Variants in DOK2 observed in about 807,000 individuals in gnomAD.
DOK2 encodes docking protein 2, 56kD.
A neutral mutation model predicts 26.0 loss-of-function variants in DOK2; 28 were observed. That is an observed-to-expected ratio of 1.08 (90% CI 0.80 to 1.48). The LOEUF (loss-of-function observed/expected upper bound fraction) is 1.48, where lower values mean the gene tolerates loss of function less well. DOK2 is among the 40% of genes most tolerant of loss of function. The pLI is 0.00. For missense variants in DOK2, 682 were observed against 558.2 expected (o/e 1.22, Z -2.23); for synonymous variants, 282 against 236.9 (o/e 1.19, Z -1.75).
In DOK2 at chr8:21,912,454, C is replaced by G; in HGVS notation, c.120G>C (p.Arg40=). Residue 40 remains arginine (R), a synonymous_variant, in exon 2 of 5, where the codon CGG becomes CGC. Transcript: ENST00000276420. The stretch of plus-strand genomic sequence containing the variant: ...TCTCCGGGCCCTCCTGCAGCTCCAG[C>G]CGGGCCAAGGCGCAGTCCGACCCTC... The part of the protein sequence containing the change: ...LYGGSDCALA[R]LELQEGPEKP... 1.3e-6 allele frequency: 2 copies of G among 1,565,582 alleles called. No individual in the cohort carries two copies. Among genetic ancestry groups the G allele is most frequent in the Non-Finnish European group, 1.7e-6 (2 of 1,157,300 alleles).
rs2242240 is a variant in DOK2, at chr8:21,909,764, C to G, written c.786G>C (p.Ala262=). Residue 262 remains alanine, a synonymous_variant, in exon 5 of 5, where the codon GCG becomes GCC. Transcript: ENST00000276420. ...AGGGGCTATCAGGCCGGGGCAGCGA[C>G]GCGGGGATTGTGGCTGGCTGCGGTT... The part of the protein sequence containing the change: ...TPQPQPATIP[A]SLPRPDSPYS... 266,642 of 1,613,734 alleles carry G rather than the reference C, an allele frequency of 0.17. 23,994 individuals carry two copies. Among genetic ancestry groups the G allele is most frequent in the East Asian group, 0.38 (17,057 of 44,842 alleles).
rs376285375 is a variant in DOK2, at chr8:21,909,768, G to A, written c.782C>T (p.Pro261Leu). 4.3e-6 allele frequency: 7 copies of A among 1,613,866 alleles called. No individual in the cohort carries two copies. Among genetic ancestry groups the A allele is most frequent in the Non-Finnish European group, 5.9e-6 (7 of 1,180,040 alleles). ...ATPQPQPATI[P>L]ASLPRPDSPY... ...GCTATCAGGCCGGGGCAGCGACGCG[G>A]GGATTGTGGCTGGCTGCGGTTGGGG... Residue 261 changes from proline (P) to leucine (L), a missense_variant, in exon 5 of 5, where the codon CCC becomes CTC. By Grantham distance (98) the Pro-to-Leu change is moderately conservative. Transcript: ENST00000276420.
intron 1 of DOK2, 114 bp downstream of exon 1, chr8:21,913,425 G>C: frequency 7.8e-7 from 1 of 1,277,400 alleles, no homozygotes; most frequent in Non-Finnish European, 1.1e-6. Context: ...GTCTAACTTG[G>C]TGGGTGCACA....
chr8:21,912,511 C>T lies in DOK2; in HGVS notation c.64-1G>A. 1.3e-6 allele frequency: 2 copies of T among 1,512,810 alleles called. No individual in the cohort carries two copies. The highest frequency in any genetic ancestry group is 1.8e-6 in the Non-Finnish European group (2 of 1,132,756). 93.7% of individuals were successfully genotyped at this position (1,512,810 alleles called of 1,614,324 possible). ...GTGAGGCGCCGAAGCGGCGCCATTT[C>T]TGTGCCAGAGGCGTGGGAGGCGGGG... On this transcript the variant is annotated splice_acceptor_variant, in intron 1 of 4. Transcript: ENST00000276420. LOFTEE classifies it high-confidence loss of function.
rs1563300847 is a variant in DOK2 at position 21,913,580 on chromosome 8, GT to G, written c.21del (p.Lys7AsnfsTer147). 4 of 1,613,914 alleles carry G rather than the reference GT, an allele frequency of 2.5e-6. No homozygotes were observed. The Admixed American group carries it at 6.7e-5, about 27-fold the overall frequency. On this transcript the variant is annotated frameshift_variant, in exon 1 of 5. Transcript: ENST00000276420. LOFTEE classifies it high-confidence loss of function. MGDGAV[K>X]QGFLYLQQQQ... ...TGCTGCTGAAGATACAAGAAGCCTT[GT>G]TTCACTGCCCCGTCTCCCATCCTCT...
In DOK2 at chr8:21,912,516, C is replaced by A; in HGVS notation, c.64-6G>T. On this transcript the variant is annotated splice_region_variant and splice_polypyrimidine_tract_variant and intron_variant, in intron 1 of 4. Transcript: ENST00000276420. ...GCGCCGAAGCGGCGCCATTTCTGTG[C>A]CAGAGGCGTGGGAGGCGGGGGCGGG... 6.6e-7 allele frequency: 1 copy of A among 1,504,808 alleles called. No homozygotes were observed. The highest frequency in any genetic ancestry group is 2.2e-5 in the Admixed American group (1 of 45,392). 93.2% of individuals were successfully genotyped at this position (1,504,808 alleles called of 1,614,324 possible). A position where few individuals can be genotyped will look rare whatever the true frequency, so the allele number is the denominator to read the frequency against.
Position 21,909,934 on chromosome 8 carries a change from G to T in DOK2, c.619-3C>A. 6.2e-7 allele frequency: 1 copy of T among 1,604,578 alleles called. No homozygotes were observed. The highest frequency in any genetic ancestry group is 8.5e-7 in the Non-Finnish European group (1 of 1,177,074). On this transcript the variant is annotated splice_polypyrimidine_tract_variant and splice_region_variant and intron_variant, in intron 4 of 4. Coordinates refer to ENST00000276420, the MANE Select transcript of DOK2 (RefSeq NM_003974.4). ...CCTGCCTCAAAGGAAAAGGTTACCT[G>T]GACCAGGGAGAAAGCAGGTTATTGG...
chr8:21,913,224 C>T (rs1382406930), intron 1 of DOK2, among the ~76,000 whole-genome samples: 1 of 152,184 alleles, frequency 6.6e-6, no homozygotes, highest in Non-Finnish European at 1.5e-5. Flanking sequence ...CATTCCCTTC[C>T]AAGGTGTCCG....
chr8:21,911,045 G>A (rs930854435), intron 3 of DOK2, 188 bp from the exon 4 acceptor site: 7 of 656,164 alleles, frequency 1.1e-5, no homozygotes, highest in Admixed American at 3.1e-5. Context: ...CAAAAGGCCA[G>A]GTACCTCCAC....
chr8:21,913,470 C>T (rs1238206011), intron 1 of DOK2, 69 bp downstream of exon 1: 3 of 1,590,404 alleles, frequency 1.9e-6, no homozygotes, highest in Non-Finnish European at 2.6e-6. Context: ...ATGAAACTCC[C>T]TCTCCAACCC....
chr8:21,910,622 T>C (rs1809801998), intron 4 of DOK2, 51 bp downstream of exon 4: 2 of 1,605,028 alleles, frequency 1.2e-6, no homozygotes. Context: ...CCCCTCTTTG[T>C]TCGTAGCTTA....
chr8:21,913,630 C>T lies in DOK2; in HGVS notation c.-29G>A. 12 of 1,613,414 alleles carry T rather than the reference C, an allele frequency of 7.4e-6. No individual in the cohort carries two copies. The highest frequency in any genetic ancestry group is 1.0e-5 in the Non-Finnish European group (12 of 1,179,660). On this transcript the variant is annotated 5_prime_UTR_variant, in exon 1 of 5. Transcript: ENST00000276420. Reference sequence around the variant, plus strand: ...CTGACCATCTCGGAGCCCCAGGCTTCAGCTCTCTCCTTCACTCCTGCCCTT... The same window carrying T: ...CTGACCATCTCGGAGCCCCAGGCTTTAGCTCTCTCCTTCACTCCTGCCCTT...
intron 1 of DOK2, 136 bp downstream of exon 1, chr8:21,913,403 G>T: frequency 9.6e-7 from 1 of 1,037,450 alleles, no homozygotes; most frequent in Non-Finnish European, 1.4e-6. Context: ...CCCTCCCAAA[G>T]TTGAGCTCTG....
rs1809748960 is a variant in DOK2 at position 21,909,659 on chromosome 8, C to T, written c.891G>A (p.Gly297=). ...CCGCATCGAAGGGCACGGCATACTC[C>T]CCCTCCTGGCCCCGAGGCCGTGGAG... is the stretch of plus-strand genomic sequence containing the variant. ...VPAPRPRGQE[G]EYAVPFDAVA... The change falls in exon 5 of 5, where the codon GGG becomes GGA. Residue 297 remains glycine (G), a synonymous_variant. Coordinates refer to ENST00000276420, the MANE Select transcript of DOK2 (RefSeq NM_003974.4). The T allele has an allele frequency of 6.2e-7, 1 of 1,612,870 alleles. No individual in the cohort carries two copies. Among genetic ancestry groups the T allele is most frequent in the Admixed American group, 1.7e-5 (1 of 60,012 alleles).
chr8:21,909,246 G>A lies in DOK2; in HGVS notation c.*65C>T. The A allele has an allele frequency of 6.7e-7, 1 of 1,501,764 alleles. No individual in the cohort carries two copies. The highest frequency in any genetic ancestry group is 8.9e-7 in the Non-Finnish European group (1 of 1,123,674). The allele number at this position is 1,501,764 out of a possible 1,614,324, so 93.0% of individuals were successfully genotyped here. A position where few individuals can be genotyped will look rare whatever the true frequency, so the allele number is the denominator to read the frequency against. On this transcript the variant is annotated 3_prime_UTR_variant, in exon 5 of 5. Transcript: ENST00000276420. ...AAGGGGCAGAGGAGGTTCTTCTGAT[G>A]CAGTGGCCAGGAGGAGTCACCAGCA...
intron 4 of DOK2, 89 bp downstream of exon 4, chr8:21,910,584 G>A: frequency 6.6e-7 from 1 of 1,512,506 alleles, no homozygotes; most frequent in South Asian, 1.2e-5. Flanking sequence ...CCCTCTCCTG[G>A]TCTCTCCCAT....
At chr8:21,911,864 C>T (rs373143737) in intron 3 of DOK2, 37 bp downstream of exon 3, 243 of 1,530,156 alleles carry the variant, frequency 1.6e-4, no homozygotes, top group Non-Finnish European at 1.6e-4. Context: ...CTGGGGAGAG[C>T]CCCCAGGGGA....
chr8:21,909,982 A>ATTT, intron 4 of DOK2, 51 bp from the exon 5 acceptor site: 81 of 1,394,010 alleles, frequency 5.8e-5, no homozygotes, highest in Middle Eastern at 2.2e-4. Context: ...GCAGGGGTGC[A>ATTT]TTTTTTTTTT....
At chr8:21,911,273 G>A (rs1042685426) in intron 3 of DOK2, among the ~76,000 whole-genome samples, 1 of 152,174 alleles carries the variant, frequency 6.6e-6, no homozygotes, top group African/African-American at 2.4e-5. Context: ...TTAGATGGAA[G>A]GCAGATGAAA....
Sources: allele counts gnomAD v4.1 joint callset (sites outside exome capture counted in the v4.1 genomes callset), GRCh38; gene constraint gnomAD v4.1.1; transcripts MANE v1.5; gene names NCBI Gene and HGNC (gene_info 2026-07-23, HGNC 2026-07-21).